The following BBOF1 variants were observed in gnomAD, a reference collection of about 807,000 sequenced individuals.
BBOF1 encodes basal body-orientation factor 1.
Under a neutral mutation model 68.0 loss-of-function variants are expected in BBOF1, and 62 were observed. That is an observed-to-expected ratio of 0.91 (90% CI 0.74 to 1.13). The LOEUF (loss-of-function observed/expected upper bound fraction) is 1.13. BBOF1 is among the 50% of genes most tolerant of loss of function. The pLI is 0.00. For synonymous variants in BBOF1, 208 were observed against 198.8 expected, an observed-to-expected ratio of 1.05 and a Z score of -0.39; for missense variants, 534 against 600.1, an observed-to-expected ratio of 0.89 and a Z score of 1.15.
chr14:74,081,924 T>G (rs1269871874), intron 12 of BBOF1, among the ~76,000 whole-genome samples: 2 of 152,134 alleles, frequency 1.3e-5, no homozygotes, highest in African/African-American at 4.8e-5. Context: ...GTAATTTTCT[T>G]GCCCAGGTGC....
chr14:74,042,415 T>G (rs1332433624), intron 5 of BBOF1, among the ~76,000 whole-genome samples: 1 of 152,054 alleles, frequency 6.6e-6, no homozygotes, highest in African/African-American at 2.4e-5. Context: ...TTAGAAAGAG[T>G]TGGTCAGTTT....
intron 1 of BBOF1, among the ~76,000 whole-genome samples, chr14:74,021,243 TC>T: frequency 6.6e-6 from 1 of 152,180 alleles, no homozygotes; most frequent in East Asian, 1.9e-4. Context: ...AATCTTTGAA[TC>T]CATCCTTTTT....
chr14:74,062,040 G>A (rs1286909725), intron 11 of BBOF1, among the ~76,000 whole-genome samples: 8 of 115,762 alleles, frequency 6.9e-5, no homozygotes, highest in South Asian at 3.2e-4. Context: ...GCGAAACCTC[G>A]TCTCTACTGG....
chr14:74,076,420 G>T (rs745940994), intron 9 of BBOF1, among the ~76,000 whole-genome samples: 1 of 152,160 alleles, frequency 6.6e-6, no homozygotes, highest in Admixed American at 6.5e-5. Context: ...GGAGTGCAGT[G>T]GCATGATCTC....
chr14:74,075,605 C>T (rs750124500), intron 9 of BBOF1, among the ~76,000 whole-genome samples: 2 of 151,548 alleles, frequency 1.3e-5, no homozygotes, highest in African/African-American at 2.4e-5. Context: ...TGCAGTGAAC[C>T]GTGATTATGC....
chr14:74,046,831 G>C (rs1314888799), intron 6 of BBOF1: 1 of 152,232 alleles, frequency 6.6e-6, no homozygotes, highest in East Asian at 1.9e-4. Context: ...CACTGCCTGG[G>C]CTCAAGTGAT....
At chr14:74,053,472 A>G (rs1227812727) in intron 8 of BBOF1, among the ~76,000 whole-genome samples, 2 of 150,744 alleles carry the variant, frequency 1.3e-5, no homozygotes, top group Admixed American at 6.6e-5. Context: ...CAGTGGCACC[A>G]TCATGGCTCA....
At chr14:74,044,321 C>A (rs1013612938) in intron 5 of BBOF1, among the ~76,000 whole-genome samples, 1 of 151,894 alleles carries the variant, frequency 6.6e-6, no homozygotes, top group Non-Finnish European at 1.5e-5. Context: ...CCTTATTACC[C>A]CATTTATTTC....
downstream of BBOF1, chr14:74,070,964 T>G (rs1171899556): frequency 1.8e-6 from 1 of 560,990 alleles, no homozygotes; most frequent in African/African-American, 1.9e-5. Context: ...CTAGCCCTAA[T>G]CCATATTTCT....
chr14:74,060,810 G>C (rs868239787), intron 11 of BBOF1: 2 of 1,181,820 alleles, frequency 1.7e-6, no homozygotes, highest in Middle Eastern at 1.9e-4. Flanking sequence ...CTTTTAATTA[G>C]CTTTTGAAGG....
At chr14:74,034,207 G>A in intron 4 of BBOF1, 36 bp downstream of exon 4, 1 of 1,423,212 alleles carries the variant, frequency 7.0e-7, no homozygotes, top group South Asian at 1.5e-5. Context: ...AAGGAAATTA[G>A]AATTAACTAT....
chr14:74,053,883 C>CT (rs540326372), intron 8 of BBOF1, among the ~76,000 whole-genome samples: 3 of 150,266 alleles, frequency 2.0e-5, no homozygotes, highest in South Asian at 2.1e-4. Flanking sequence ...GGCTGATTTT[C>CT]TTTTTTTTGA....
chr14:74,054,415 G>C lies in BBOF1; in HGVS notation c.1287-1169G>C, dbSNP rs143423569. On this transcript the variant is annotated intron_variant, in intron 8 of 11. Coordinates refer to ENST00000394009, the MANE Select transcript of BBOF1 (RefSeq NM_025057.3). ...TTTTTTTGAGTCGGAGTCTCGCTCT[G>C]TTGCCAAGGCTGGAGTGCAGTGGCA... Among the ~76,000 whole-genome samples the C allele has an allele frequency of 2.5e-3, 365 of 148,886 alleles. 2 individuals are homozygous for C. Among genetic ancestry groups the C allele is most frequent in the Middle Eastern group, 0.01 (3 of 290 alleles).
chr14:74,026,012 G>A (rs536714943), intron 2 of BBOF1, among the ~76,000 whole-genome samples: 2 of 151,880 alleles, frequency 1.3e-5, no homozygotes, highest in African/African-American at 2.4e-5. Context: ...ATGGTGGTGC[G>A]TGTCTGCAGT....
chr14:74,079,150 C>G (rs1404778274), intron 10 of BBOF1, among the ~76,000 whole-genome samples: 1 of 151,602 alleles, frequency 6.6e-6, no homozygotes, highest in African/African-American at 2.4e-5. Context: ...TTATCTTTAC[C>G]ACATCTCTAT....
chr14:74,026,394 A>G (rs1045982641), intron 2 of BBOF1, among the ~76,000 whole-genome samples: 1 of 141,846 alleles, frequency 7.0e-6, no homozygotes, highest in Non-Finnish European at 1.5e-5. Context: ...GTGAGCCAAG[A>G]TCATGCCATT....
chr14:74,026,702 A>G (rs10147202), intron 2 of BBOF1, among the ~76,000 whole-genome samples: 2,834 of 152,154 alleles, frequency 0.019, 57 homozygotes, highest in African/African-American at 0.051. Context: ...AGGTGGGCAG[A>G]TCACCTGAGG....
chr14:74,054,100 TCTC>T (rs1470436228), intron 8 of BBOF1, among the ~76,000 whole-genome samples: 1 of 151,966 alleles, frequency 6.6e-6, no homozygotes, highest in Non-Finnish European at 1.5e-5. Context: ...GTAGTCTTGA[TCTC>T]CTGACCTCGT....
At chr14:74,075,044 G>T in intron 9 of BBOF1, 1 of 1,608,036 alleles carries the variant, frequency 6.2e-7, no homozygotes, top group South Asian at 1.1e-5. Flanking sequence ...CGATTATTTT[G>T]ATAAATGAGA....
Sources: gnomAD v4.1 joint callset for allele counts (sites outside exome capture counted in the v4.1 genomes callset) on GRCh38, gnomAD v4.1.1 for gene constraint, MANE v1.5 for transcripts, NCBI Gene and HGNC (gene_info 2026-07-23, HGNC 2026-07-21) for gene names.